Variants in HSD17B12 observed in about 807,000 individuals in gnomAD.
HSD17B12 encodes very-long-chain 3-oxoacyl-CoA reductase.
A neutral mutation model predicts 39.3 loss-of-function variants in HSD17B12; 32 were observed. The ratio of observed to expected loss-of-function variants is 0.81; its 90% confidence interval spans 0.61 to 1.09. The LOEUF is 1.09. Among genes scored for constraint, HSD17B12 ranks in the 50% least tolerant of loss-of-function variants. HSD17B12 has a pLI of 0.00. For synonymous variants in HSD17B12, 150 were observed against 146.7 expected (o/e 1.02, Z -0.16); for missense variants, 342 against 382.9 (o/e 0.89, Z 0.89).
rs140857607 is a variant in HSD17B12, at chr11:43,734,294, G to T, written c.161-16617G>T. 2,266 of 1,179,766 alleles carry T rather than the reference G, an allele frequency of 1.9e-3. 24 individuals are homozygous for T. The Admixed American group carries it at 0.026, about 14-fold the overall frequency. The allele number at this position is 1,179,766 out of a possible 1,614,324, so 73.1% of individuals were successfully genotyped here. On this transcript the variant is annotated intron_variant, in intron 1 of 10. Coordinates refer to ENST00000278353, the MANE Select transcript of HSD17B12 (RefSeq NM_016142.3). ...GACTTTCAGGAAGGAGTTCACAGAA[G>T]CCGTGGAAGCCAAAAAGGTGGCTCA... is the stretch of plus-strand genomic sequence containing the variant.
At chr11:43,690,390 ATATATATATATATAT>A (rs1263576588) in intron 1 of HSD17B12, among the ~76,000 whole-genome samples, 10 of 14,584 alleles carry the variant, frequency 6.9e-4, no homozygotes, top group African/African-American at 3.3e-3. Flanking sequence ...ATATATATAT[ATATATATATATATAT>A]TTTTTTTTTT....
the HSD17B12 span, among the ~76,000 whole-genome samples, chr11:43,668,081 CAT>C: frequency 1.3e-5 from 2 of 152,146 alleles, no homozygotes; most frequent in African/African-American, 2.4e-5. Flanking sequence ...CACACACACA[CAT>C]ACAATTAGTT....
chr11:43,671,964 A>G, the HSD17B12 span, among the ~76,000 whole-genome samples: 1 of 152,172 alleles, frequency 6.6e-6, no homozygotes, highest in African/African-American at 2.4e-5. Flanking sequence ...TTTATTTGGG[A>G]AATATGTTTA....
chr11:43,823,197 A>G (rs959128028), intron 6 of HSD17B12, among the ~76,000 whole-genome samples: 43 of 151,886 alleles, frequency 2.8e-4, no homozygotes, highest in Admixed American at 2.8e-3. Flanking sequence ...AACCCTCCAG[A>G]GTGTCATGCG....
the HSD17B12 span, among the ~76,000 whole-genome samples, chr11:43,601,440 G>A: frequency 6.7e-6 from 1 of 148,688 alleles, no homozygotes; most frequent in Non-Finnish European, 1.5e-5. Flanking sequence ...TGTTAGTGAT[G>A]TCTTGACTCC....
intron 4 of HSD17B12, among the ~76,000 whole-genome samples, chr11:43,811,169 CAAAAT>C (rs929196671): frequency 3.3e-5 from 5 of 152,156 alleles, no homozygotes; most frequent in African/African-American, 1.2e-4. Flanking sequence ...CCTGACGTCT[CAAAAT>C]AAAATTGCCG....
the HSD17B12 span, among the ~76,000 whole-genome samples, chr11:43,658,456 G>T: frequency 6.6e-6 from 1 of 152,202 alleles, no homozygotes; most frequent in South Asian, 2.1e-4. Flanking sequence ...TTCTTTGGAG[G>T]AGGAGAGGCA....
chr11:43,636,337 A>G, the HSD17B12 span, among the ~76,000 whole-genome samples: 1 of 152,288 alleles, frequency 6.6e-6, no homozygotes, highest in Non-Finnish European at 1.5e-5. Flanking sequence ...CTGGTAGCAA[A>G]GCTGGGCTGT....
At chr11:43,613,420 CA>C in the HSD17B12 span, among the ~76,000 whole-genome samples, 1 of 149,016 alleles carries the variant, frequency 6.7e-6, no homozygotes, top group African/African-American at 2.5e-5. Flanking sequence ...ACAACAACAA[CA>C]AAAAAAAACA....
chr11:43,608,446 C>T, the HSD17B12 span, among the ~76,000 whole-genome samples: 2 of 151,766 alleles, frequency 1.3e-5, no homozygotes, highest in South Asian at 4.2e-4. Flanking sequence ...AGAAAGTACA[C>T]TTAATCAAAG....
the HSD17B12 span, among the ~76,000 whole-genome samples, chr11:43,663,092 A>AT: frequency 6.6e-6 from 1 of 152,122 alleles, no homozygotes; most frequent in African/African-American, 2.4e-5. Flanking sequence ...TTTAATTTTT[A>AT]TTTTTTTGAG....
intron 4 of HSD17B12, among the ~76,000 whole-genome samples, chr11:43,799,764 T>TA (rs1338776032): frequency 2.0e-5 from 3 of 152,214 alleles, no homozygotes; most frequent in Non-Finnish European, 4.4e-5. Context: ...TCTCATCCTA[T>TA]AAAAGAATGG....
chr11:43,773,858 T>C (rs1016569647), intron 3 of HSD17B12, among the ~76,000 whole-genome samples: 1 of 152,242 alleles, frequency 6.6e-6, no homozygotes, highest in African/African-American at 2.4e-5. Context: ...TTTTTGAAAA[T>C]GGAATAGAAA....
the HSD17B12 span, among the ~76,000 whole-genome samples, chr11:43,611,419 A>T: frequency 6.6e-6 from 1 of 152,166 alleles, no homozygotes; most frequent in African/African-American, 2.4e-5. Context: ...CTTTTCCCCA[A>T]TTCCAGAATG....
chr11:43,721,522 G>A (rs1237531398), intron 1 of HSD17B12, among the ~76,000 whole-genome samples: 3 of 152,156 alleles, frequency 2.0e-5, no homozygotes, highest in Admixed American at 6.5e-5. Flanking sequence ...GGGAGGCTAA[G>A]CCAGGAGAAT....
intron 9 of HSD17B12, among the ~76,000 whole-genome samples, chr11:43,843,598 C>G (rs190692247): frequency 1.4e-5 from 2 of 146,282 alleles, no homozygotes; most frequent in Non-Finnish European, 2.9e-5. Flanking sequence ...CTCTGAAGTG[C>G]CCATGACTGG....
At chr11:43,841,602 C>T (rs1951426619) in intron 9 of HSD17B12, among the ~76,000 whole-genome samples, 2 of 152,144 alleles carry the variant, frequency 1.3e-5, no homozygotes, top group African/African-American at 4.8e-5. Flanking sequence ...TGTGAAAACA[C>T]AAAATATGAG....
In HSD17B12 at chr11:43,729,369, AAATT is replaced by A. The variant is rs1474431081; in HGVS notation, c.161-21533_161-21530del. ...TAAATAGCAGATAGTATTAATTTTT[AAATT>A]AATTAATTGCAAAGTAGGTGAGTAG... is the stretch of plus-strand genomic sequence containing the variant. On this transcript the variant is annotated intron_variant, in intron 1 of 10. Coordinates refer to ENST00000278353, the MANE Select transcript of HSD17B12 (RefSeq NM_016142.3). Among the ~76,000 whole-genome samples the A allele has an allele frequency of 3.3e-5, 5 of 152,344 alleles. No individual in the cohort carries two copies. In the East Asian group the frequency reaches 7.7e-4, roughly 24 times the overall value.
chr11:43,822,196 G>A (rs1263673091), intron 6 of HSD17B12, among the ~76,000 whole-genome samples: 1 of 152,150 alleles, frequency 6.6e-6, no homozygotes, highest in Non-Finnish European at 1.5e-5. Context: ...GGCCCAAAGT[G>A]AAATATATTA....
Sources: allele counts gnomAD v4.1 joint callset (sites outside exome capture counted in the v4.1 genomes callset), GRCh38; gene constraint gnomAD v4.1.1; transcripts MANE v1.5; gene names NCBI Gene and HGNC (gene_info 2026-07-23, HGNC 2026-07-21).